The following LRRK1 variants were observed in gnomAD, a reference collection of about 807,000 sequenced individuals.
The protein encoded by LRRK1 is leucine-rich repeat serine/threonine-protein kinase 1.
Under a neutral mutation model 209.1 loss-of-function variants are expected in LRRK1, and 113 were observed. The ratio of observed to expected loss-of-function variants is 0.54; its 90% CI spans 0.46 to 0.63. The LOEUF is 0.63. LRRK1 is among the 30% of genes least tolerant of loss of function. The probability of loss-of-function intolerance (pLI) is 0.00; values close to 1 mark genes in which losing one functional copy is unlikely to be tolerated. For missense variants in LRRK1, 2,284 were observed against 2,632.2 expected, an observed-to-expected ratio of 0.87 and a Z score of 2.89; for synonymous variants, 1,144 against 1,099.7, an observed-to-expected ratio of 1.04 and a Z score of -0.80.
chr15:100,952,971 T>C (rs1426008074), intron 2 of LRRK1, among the ~76,000 whole-genome samples: 1 of 152,252 alleles, frequency 6.6e-6, no homozygotes, highest in African/African-American at 2.4e-5. Context: ...TTTTATTCAC[T>C]TACTTTACAG....
At chr15:100,991,512 A>G (rs1401007714) in intron 6 of LRRK1, among the ~76,000 whole-genome samples, 1 of 151,966 alleles carries the variant, frequency 6.6e-6, no homozygotes, top group Non-Finnish European at 1.5e-5. Flanking sequence ...TTCCATTTCT[A>G]TTCCAACCTG....
At chr15:100,962,254 G>T (rs1045446493) in intron 2 of LRRK1, among the ~76,000 whole-genome samples, 1 of 152,104 alleles carries the variant, frequency 6.6e-6, no homozygotes, top group Non-Finnish European at 1.5e-5. Context: ...TCCAGGCTGG[G>T]CATGGTGGCT....
At chr15:101,058,617 C>CGGGG (rs1555479973) in intron 29 of LRRK1, among the ~76,000 whole-genome samples, 9,037 of 73,664 alleles carry the variant, frequency 0.12, 1,440 homozygotes, top group East Asian at 0.25. Flanking sequence ...GAAGGGGCAA[C>CGGGG]GGGGGGGGGC....
At chr15:101,020,426 G>A (rs142611489) in intron 12 of LRRK1, among the ~76,000 whole-genome samples, 7,084 of 144,056 alleles carry the variant, frequency 0.049, 230 homozygotes, top group Non-Finnish European at 0.069. Context: ...CCAGGCTGGA[G>A]TGCAGTGGCA....
intron 20 of LRRK1, among the ~76,000 whole-genome samples, chr15:101,043,243 C>T (rs1034587309): frequency 2.0e-5 from 3 of 152,236 alleles, no homozygotes; most frequent in Non-Finnish European, 4.4e-5. Context: ...AGAGACCCGG[C>T]CACCTGGGAA....
At chr15:100,977,650 G>A (rs975352504) in intron 3 of LRRK1, among the ~76,000 whole-genome samples, 3 of 152,100 alleles carry the variant, frequency 2.0e-5, no homozygotes, top group Admixed American at 2.0e-4. Context: ...CTGCTTACTG[G>A]GTGTCAACTG....
rs200281447 is a variant in LRRK1, at chr15:101,065,406, G to A, written c.4969G>A (p.Val1657Met). ...LADGLVAVFP[V>M]VRGTPKDSCS... Reference sequence around the variant, plus strand: ...CGATGGGCTTGTGGCTGTGTTTCCCGTGGTGCGGGGCACCCCAAAGGACAG... The same window carrying A: ...CGATGGGCTTGTGGCTGTGTTTCCCATGGTGCGGGGCACCCCAAAGGACAG... The change falls in exon 32 of 34, where the codon GTG becomes ATG. Residue 1657 changes from valine (V) to methionine (M), a missense_variant. By Grantham distance (21) the Val-to-Met change is conservative. Coordinates refer to ENST00000388948, the MANE Select transcript of LRRK1 (RefSeq NM_024652.6). 1.2e-5 allele frequency: 20 copies of A among 1,613,940 alleles called. No individual in the cohort carries two copies. The highest frequency in any genetic ancestry group is 2.2e-5 in the East Asian group (1 of 44,898).
chr15:101,058,171 T>C (rs749986998), intron 29 of LRRK1, 30 bp downstream of exon 29: 3 of 1,609,274 alleles, frequency 1.9e-6, no homozygotes, highest in South Asian at 1.1e-5. Flanking sequence ...CCTGCCCCCT[T>C]TGTATTTGGG....
Position 101,076,151 on chromosome 15 carries a change from G to A in LRRK1, c.*7303G>A, listed in dbSNP as rs1356477780. On this transcript the variant is annotated 3_prime_UTR_variant, in exon 34 of 34. Coordinates refer to ENST00000388948, the MANE Select transcript of LRRK1 (RefSeq NM_024652.6). The stretch of plus-strand genomic sequence containing the variant: ...TGTAGACCTTCTGTCCAAACAACTT[G>A]ACCTTACTGTTTTAGCCTAGCCCTC... 1 of 152,170 alleles carries A rather than the reference G, an allele frequency of 6.6e-6. No homozygotes were observed. The highest frequency in any genetic ancestry group is 2.4e-5 in the African/African-American group (1 of 41,438). The allele number at this position is 152,170 out of a possible 1,614,324, so 9.4% of individuals were successfully genotyped here.
chr15:101,062,026 C>T (rs1423752883), intron 30 of LRRK1, among the ~76,000 whole-genome samples: 2 of 152,220 alleles, frequency 1.3e-5, no homozygotes, highest in South Asian at 4.1e-4. Context: ...TAAGAAACAT[C>T]TGACAACAGA....
rs755637633 is a variant in LRRK1, at chr15:100,983,528, G to A, written c.262G>A (p.Gly88Ser). ...TGGAGCCCTGTTCTGTTTTGACCAG[G>A]GCCAGCTTCTGAGCATCCCGGCAGC... ...CDQCASQLEK[G>S]QLLSIPAAYG... Residue 88 changes from glycine (G) to serine (S), a missense_variant and splice_region_variant, in exon 4 of 34, where the codon GGC becomes AGC. Coordinates refer to ENST00000388948, the MANE Select transcript of LRRK1 (RefSeq NM_024652.6). 1.9e-6 allele frequency: 3 copies of A among 1,593,038 alleles called. No individual in the cohort carries two copies. The South Asian group carries it at 3.4e-5, about 18-fold the overall frequency.
In LRRK1 at chr15:100,981,727, G is replaced by C. The variant is rs148428811; in HGVS notation, c.262-1801G>C. Among the ~76,000 whole-genome samples, 1,191 of 152,248 alleles carry C rather than the reference G, an allele frequency of 7.8e-3. 17 individuals carry two copies. Among genetic ancestry groups the C allele is most frequent in the African/African-American group, 0.028 (1,144 of 41,550 alleles). ...AACATAGAAATACAGGCACATTCCT[G>C]GCATGACTGTTAGGAGGATTGAATG... is the stretch of plus-strand genomic sequence containing the variant. On this transcript the variant is annotated intron_variant, in intron 3 of 33. Transcript: ENST00000388948.
At chr15:100,966,646 C>T (rs2030480878) in intron 2 of LRRK1, among the ~76,000 whole-genome samples, 1 of 152,188 alleles carries the variant, frequency 6.6e-6, no homozygotes, top group South Asian at 2.1e-4. Context: ...GGTGCCTTTT[C>T]CTAATGTCCT....
chr15:100,993,615 C>T (rs2032265641), intron 6 of LRRK1, among the ~76,000 whole-genome samples: 3 of 152,230 alleles, frequency 2.0e-5, no homozygotes, highest in South Asian at 4.1e-4. Flanking sequence ...TTGTGTCAAC[C>T]TTGGATAAGT....
At chr15:101,051,438 G>GC in intron 23 of LRRK1, among the ~76,000 whole-genome samples, 1 of 152,094 alleles carries the variant, frequency 6.6e-6, no homozygotes, top group Non-Finnish European at 1.5e-5. Flanking sequence ...CTCCTCTCAG[G>GC]CCCCCCAGCC....
chr15:100,945,083 TTCACGG>T (rs1409769134), intron 2 of LRRK1, among the ~76,000 whole-genome samples: 1 of 152,242 alleles, frequency 6.6e-6, no homozygotes, highest in African/African-American at 2.4e-5. Flanking sequence ...CGGTCTCCTC[TTCACGG>T]GCATTTGGGC....
intron 30 of LRRK1, among the ~76,000 whole-genome samples, chr15:101,061,838 G>A (rs1034223696): frequency 9.9e-5 from 15 of 152,142 alleles, no homozygotes; most frequent in South Asian, 2.1e-4. Context: ...GTGAAACCCC[G>A]TCTCTACTAA....
At chr15:100,942,247 G>A (rs763652532) in intron 2 of LRRK1, among the ~76,000 whole-genome samples, 3 of 152,200 alleles carry the variant, frequency 2.0e-5, no homozygotes, top group Non-Finnish European at 4.4e-5. Flanking sequence ...TGCTTCCACA[G>A]CTAGTCCTAT....
intron 2 of LRRK1, among the ~76,000 whole-genome samples, chr15:100,930,309 G>A (rs777596356): frequency 9.1e-4 from 139 of 152,318 alleles, no homozygotes; most frequent in Non-Finnish European, 1.5e-3. Flanking sequence ...TACACGTTCC[G>A]CTTGGATATC....
Sources: allele counts gnomAD v4.1 joint callset (sites outside exome capture counted in the v4.1 genomes callset), GRCh38; gene constraint gnomAD v4.1.1; transcripts MANE v1.5; gene names NCBI Gene and HGNC (gene_info 2026-07-23, HGNC 2026-07-21).